Variants in TMEFF2 observed in about 807,000 individuals in gnomAD.
The protein encoded by TMEFF2 is transmembrane protein with EGF like and two follistatin like domains 2.
In TMEFF2, 28 loss-of-function variants were observed where a neutral mutation model predicts 53.8. The observed-to-expected ratio is 0.52, with a 90% CI of 0.39 to 0.71. The LOEUF is 0.71. TMEFF2 is among the 30% of genes least tolerant of loss of function. TMEFF2 has a pLI of 0.00. For synonymous variants in TMEFF2, 162 were observed against 166.3 expected, an observed-to-expected ratio of 0.97 and a Z score of 0.20; for missense variants, 353 against 455.2, an observed-to-expected ratio of 0.78 and a Z score of 2.04.
chr2:191,962,229 C>T (rs1396442004), intron 7 of TMEFF2, among the ~76,000 whole-genome samples: 1 of 152,070 alleles, frequency 6.6e-6, no homozygotes, highest in Non-Finnish European at 1.5e-5. Context: ...AGAAACTTTG[C>T]TAGTGAGGCA....
At chr2:192,112,898 A>G (rs1403124031) in intron 4 of TMEFF2, among the ~76,000 whole-genome samples, 2 of 152,152 alleles carry the variant, frequency 1.3e-5, no homozygotes, top group African/African-American at 2.4e-5. Flanking sequence ...CTGCCAAGTA[A>G]GACATGCCTT....
intron 7 of TMEFF2, among the ~76,000 whole-genome samples, chr2:191,970,756 T>C (rs1230624700): frequency 6.6e-6 from 1 of 152,082 alleles, no homozygotes. Flanking sequence ...ATTGATAGAG[T>C]GTATCTTTTA....
At position 192,166,763 on chromosome 2, in the gene TMEFF2, T is replaced by C. The variant is rs1488476271; in HGVS notation, c.439+12905A>G. On this transcript the variant is annotated intron_variant, in intron 4 of 9. Coordinates refer to ENST00000272771, the MANE Select transcript of TMEFF2 (RefSeq NM_016192.4). ...GCAGAGTTTCCCAAAGTGTGTATCA[T>C]AGATGACTAATCCCTTTGAATTTTA... Among the ~76,000 whole-genome samples, 5 of 152,300 alleles carry C rather than the reference T, an allele frequency of 3.3e-5. No homozygotes were observed. The East Asian group carries it at 9.7e-4, about 29-fold the overall frequency.
At chr2:192,117,462 T>G (rs1442553847) in intron 4 of TMEFF2, among the ~76,000 whole-genome samples, 1 of 152,058 alleles carries the variant, frequency 6.6e-6, no homozygotes, top group African/African-American at 2.4e-5. Flanking sequence ...AATAGAACAC[T>G]GGGGAAAGGA....
intron 4 of TMEFF2, among the ~76,000 whole-genome samples, chr2:192,068,076 G>T (rs545840443): frequency 6.6e-6 from 1 of 151,826 alleles, no homozygotes; most frequent in Non-Finnish European, 1.5e-5. Context: ...AAGTAGAGTT[G>T]GGTTGCCCAG....
chr2:192,129,796 T>A (rs1412630959), intron 4 of TMEFF2, among the ~76,000 whole-genome samples: 1 of 152,208 alleles, frequency 6.6e-6, no homozygotes, highest in East Asian at 1.9e-4. Flanking sequence ...AGTACATACA[T>A]CATAAAACAG....
intron 4 of TMEFF2, among the ~76,000 whole-genome samples, chr2:192,154,411 A>G (rs1690458355): frequency 6.6e-6 from 1 of 151,976 alleles, no homozygotes; most frequent in Non-Finnish European, 1.5e-5. Context: ...TGGTACAGTA[A>G]GCATGCTAAG....
chr2:192,117,898 C>G (rs773041360), intron 4 of TMEFF2, among the ~76,000 whole-genome samples: 5 of 151,484 alleles, frequency 3.3e-5, no homozygotes, highest in Non-Finnish European at 5.9e-5. Flanking sequence ...AACCAGTGCT[C>G]TTGAACCACT....
chr2:192,108,337 G>C (rs1220269285), intron 4 of TMEFF2, among the ~76,000 whole-genome samples: 1 of 151,818 alleles, frequency 6.6e-6, no homozygotes. Context: ...GATTATTAGT[G>C]TAATCCACAT....
intron 7 of TMEFF2, among the ~76,000 whole-genome samples, chr2:191,963,762 A>C (rs999924820): frequency 2.6e-5 from 4 of 152,138 alleles, no homozygotes; most frequent in Admixed American, 2.0e-4. Flanking sequence ...TCGCTCAGTG[A>C]TTTTGCTTAT....
intron 2 of TMEFF2, among the ~76,000 whole-genome samples, chr2:192,187,385 A>G (rs1691340568): frequency 6.6e-6 from 1 of 152,240 alleles, no homozygotes; most frequent in Non-Finnish European, 1.5e-5. Context: ...TATTTTAACT[A>G]GTAGAGTTAT....
intron 4 of TMEFF2, among the ~76,000 whole-genome samples, chr2:192,149,796 C>T (rs867936913): frequency 6.6e-6 from 1 of 151,914 alleles, no homozygotes; most frequent in African/African-American, 2.4e-5. Flanking sequence ...CTATCTTACA[C>T]GTACCATTAC....
At position 192,087,164 on chromosome 2, in the gene TMEFF2, G is replaced by T. The variant is rs543320033; in HGVS notation, c.440-29389C>A. Among the ~76,000 whole-genome samples the T allele has an allele frequency of 2.6e-5, 4 of 151,852 alleles. No homozygotes were observed. The East Asian group carries it at 7.7e-4, about 29-fold the overall frequency. ...TCCAGTTAACTAATCTATGAGGAGG[G>T]TTTTGTCTGTTCATTCAGAAAAACG... On this transcript the variant is annotated intron_variant, in intron 4 of 9. Coordinates refer to ENST00000272771, the MANE Select transcript of TMEFF2 (RefSeq NM_016192.4).
intron 5 of TMEFF2, among the ~76,000 whole-genome samples, chr2:192,004,055 C>T (rs1051501571): frequency 6.6e-6 from 1 of 152,148 alleles, no homozygotes; most frequent in Non-Finnish European, 1.5e-5. Context: ...CCTTTGACAT[C>T]CTGGTACCTA....
At chr2:191,986,864 A>G (rs566016890) in intron 7 of TMEFF2, among the ~76,000 whole-genome samples, 1 of 151,018 alleles carries the variant, frequency 6.6e-6, no homozygotes, top group East Asian at 1.9e-4. Context: ...TCTCAGAAAA[A>G]AAAAAAAAAA....
At chr2:192,125,755 C>T (rs760485873) in intron 4 of TMEFF2, among the ~76,000 whole-genome samples, 3 of 152,172 alleles carry the variant, frequency 2.0e-5, no homozygotes, top group Non-Finnish European at 2.9e-5. Flanking sequence ...TTATCCTCAG[C>T]AAACTAACAT....
At chr2:192,023,367 T>C (rs1221151179) in intron 5 of TMEFF2, among the ~76,000 whole-genome samples, 1 of 152,222 alleles carries the variant, frequency 6.6e-6, no homozygotes, top group Non-Finnish European at 1.5e-5. Context: ...GTACTTCCTA[T>C]TTCTATGTCA....
chr2:191,954,441 A>G (rs958644498), intron 8 of TMEFF2, among the ~76,000 whole-genome samples: 4 of 152,188 alleles, frequency 2.6e-5, no homozygotes, highest in Non-Finnish European at 4.4e-5. Flanking sequence ...ATGTCCAGGA[A>G]TGACTGTTAT....
At chr2:191,995,007 T>C (rs1007447980) in intron 7 of TMEFF2, among the ~76,000 whole-genome samples, 1 of 152,014 alleles carries the variant, frequency 6.6e-6, no homozygotes, top group African/African-American at 2.4e-5. Context: ...TTTGGTTTCC[T>C]AGTGTTGACT....
Sources: allele counts gnomAD v4.1 joint callset (sites outside exome capture counted in the v4.1 genomes callset), GRCh38; gene constraint gnomAD v4.1.1; transcripts MANE v1.5; gene names NCBI Gene and HGNC (gene_info 2026-07-23, HGNC 2026-07-21).